The following UGT2B17 variants were observed in gnomAD, a reference collection of about 807,000 sequenced individuals.
UGT2B17 encodes the protein UDP-glucuronosyltransferase 2B17.
UGT2B17 carries 21 observed loss-of-function variants against 48.2 expected under a neutral mutation model. The observed-to-expected ratio is 0.44, with a 90% confidence interval of 0.31 to 0.63. UGT2B17 has a LOEUF of 0.63. Ranked by LOEUF, UGT2B17 falls within the 20% of genes least tolerant of loss-of-function variation. The pLI, the probability that UGT2B17 is intolerant of heterozygous loss-of-function variation, is 0.08. For missense variants in UGT2B17, 402 were observed against 696.1 expected (o/e 0.58, Z 4.75); for synonymous variants, 146 against 238.4 (o/e 0.61, Z 3.57).
rs1378714609 is a variant in UGT2B17, at chr4:68,564,551, A to G, written c.873+1021T>C. ...CGATCCGCCTGCCTCGGCCTCCCAA[A>G]GTGCTGGGATTACAGGTGTAAGCCA... On this transcript the variant is annotated intron_variant, in intron 3 of 6. Coordinates refer to ENST00000317746, the MANE Select transcript of UGT2B17 (RefSeq NM_001077.4). 4.0e-5 allele frequency among the ~76,000 whole-genome samples: 5 copies of G among 123,864 alleles called. 1 individual carries two copies. The highest frequency in any genetic ancestry group is 8.3e-5 in the African/African-American group (3 of 36,182). The allele number at this position is 123,864 out of a possible 152,430, so 81.3% of individuals were successfully genotyped here. A position where few individuals can be genotyped will look rare whatever the true frequency, so the allele number is the denominator to read the frequency against.
intron 6 of UGT2B17, among the ~76,000 whole-genome samples, chr4:68,545,416 T>C (rs1463811011): frequency 8.0e-6 from 1 of 124,278 alleles, no homozygotes; most frequent in African/African-American, 2.8e-5. Flanking sequence ...CTGGGACGCA[T>C]TCAAAGCAGT....
At chr4:68,539,801 T>G (rs1417061252) in intron 6 of UGT2B17, among the ~76,000 whole-genome samples, 2 of 114,990 alleles carry the variant, frequency 1.7e-5, no homozygotes, top group Non-Finnish European at 3.6e-5. Flanking sequence ...TTTTTTTTTT[T>G]TGAGACAGAG....
In UGT2B17 at chr4:68,562,491, G is replaced by A. The variant is rs1203805142; in HGVS notation, c.874-1823C>T. ...AGGCATCCAGGAACTCAGTGTAATT[G>A]CAGTTGCCTGTAGCCACATTTAATG... On this transcript the variant is annotated intron_variant, in intron 3 of 6. Transcript: ENST00000317746. 2.4e-5 allele frequency among the ~76,000 whole-genome samples: 3 copies of A among 125,802 alleles called. 1 individual carries two copies. The Admixed American group carries it at 2.5e-4, about 10-fold the overall frequency. The allele number at this position is 125,802 out of a possible 152,430, so 82.5% of individuals were successfully genotyped here. A position where few individuals can be genotyped will look rare whatever the true frequency, so the allele number is the denominator to read the frequency against.
intron 6 of UGT2B17, among the ~76,000 whole-genome samples, chr4:68,543,654 G>C (rs28853931): frequency 0.48 from 59,175 of 122,316 alleles, 22,999 homozygotes; most frequent in Middle Eastern, 0.75. Flanking sequence ...GAGGAAGTTC[G>C]AACCGAAGGC....
chr4:68,538,871 G>C lies in UGT2B17; in HGVS notation c.1314-967C>G, dbSNP rs573023083. On this transcript the variant is annotated intron_variant, in intron 6 of 6. Transcript: ENST00000317746. ...CCTGAAGGTGTTCTCACCTTAGCCC[G>C]TTTACACCTTTTGTTCCCCGTGTCT... Among the ~76,000 whole-genome samples the C allele has an allele frequency of 5.6e-5, 7 of 125,208 alleles. 2 individuals carry two copies. The highest frequency in any genetic ancestry group is 8.2e-5 in the Admixed American group (1 of 12,124). The allele number at this position is 125,208 out of a possible 152,430, so 82.1% of individuals were successfully genotyped here. A position where few individuals can be genotyped will look rare whatever the true frequency, so the allele number is the denominator to read the frequency against.
At chr4:68,545,205 A>G (rs1487132600) in intron 6 of UGT2B17, among the ~76,000 whole-genome samples, 1 of 126,554 alleles carries the variant, frequency 7.9e-6, no homozygotes, top group Non-Finnish European at 1.7e-5. Context: ...GTAAAAGAAC[A>G]GAAATTATAA....
intron 1 of UGT2B17, among the ~76,000 whole-genome samples, chr4:68,575,093 T>G (rs1731352282): frequency 8.0e-6 from 1 of 124,900 alleles, no homozygotes; most frequent in African/African-American, 2.7e-5. Context: ...AACTTCGCTT[T>G]TGTTGAAAAC....
chr4:68,552,449 TA>T (rs949367272), intron 4 of UGT2B17, among the ~76,000 whole-genome samples: 4 of 126,306 alleles, frequency 3.2e-5, no homozygotes, highest in African/African-American at 8.1e-5. Flanking sequence ...CCATCTTATA[TA>T]AGTTGATTGA....
intron 4 of UGT2B17, among the ~76,000 whole-genome samples, chr4:68,558,447 T>A (rs1229382103): frequency 7.9e-6 from 1 of 126,386 alleles, no homozygotes; most frequent in East Asian, 7.4e-4. Flanking sequence ...CAACTTAAAC[T>A]CCAGAAGAAA....
rs1163569292 is a variant in UGT2B17, at chr4:68,540,673, C to T, written c.1314-2769G>A. ...TTTATTTTAAGTTCCAGGATACATACGCAGAATGTGTGGGTTTGTTACATA... is the reference window on the plus strand; with the variant it reads ...TTTATTTTAAGTTCCAGGATACATATGCAGAATGTGTGGGTTTGTTACATA... On this transcript the variant is annotated intron_variant, in intron 6 of 6. Transcript: ENST00000317746. Among the ~76,000 whole-genome samples the T allele has an allele frequency of 1.7e-4, 21 of 126,020 alleles. 7 individuals are homozygous for T. The highest frequency in any genetic ancestry group is 3.5e-4 in the Non-Finnish European group (21 of 59,476). The allele number at this position is 126,020 out of a possible 152,430, so 82.7% of individuals were successfully genotyped here. A position where few individuals can be genotyped will look rare whatever the true frequency, so the allele number is the denominator to read the frequency against.
chr4:68,551,160 G>GA (rs1309651274), intron 5 of UGT2B17, among the ~76,000 whole-genome samples: 2 of 123,940 alleles, frequency 1.6e-5, no homozygotes, highest in Non-Finnish European at 3.4e-5. Context: ...TGAACAAAAT[G>GA]AAAAAACATA....
chr4:68,566,317 T>C (rs964616409), intron 2 of UGT2B17, among the ~76,000 whole-genome samples: 1 of 122,910 alleles, frequency 8.1e-6, no homozygotes, highest in Non-Finnish European at 1.7e-5. Flanking sequence ...ACATCTTTAA[T>C]GTAACATCAG....
chr4:68,560,033 C>A (rs906795098), intron 4 of UGT2B17, among the ~76,000 whole-genome samples: 1 of 132,528 alleles, frequency 7.5e-6, no homozygotes, highest in African/African-American at 2.6e-5. Flanking sequence ...GCTAAATAGA[C>A]CTATTCCAAT....
chr4:68,555,606 T>A (rs1730986602), intron 4 of UGT2B17, among the ~76,000 whole-genome samples: 1 of 126,312 alleles, frequency 7.9e-6, no homozygotes, highest in African/African-American at 2.7e-5. Flanking sequence ...TAACTTTAAA[T>A]GATGACTACC....
At chr4:68,574,380 C>T (rs1323555481) in intron 1 of UGT2B17, among the ~76,000 whole-genome samples, 1 of 126,056 alleles carries the variant, frequency 7.9e-6, no homozygotes, top group Non-Finnish European at 1.7e-5. Flanking sequence ...ACATATTTAT[C>T]CAATTTTTCA....
chr4:68,537,734 A>G lies in UGT2B17; in HGVS notation c.1484T>C (p.Ile495Thr). ...TGCCACGCAGGCCAGCAGGAATGCT[A>G]TCACATCCAAAGAGTGGTACTGGAT... ...TWIQYHSLDV[I>T]AFLLACVATM... The change falls in exon 7 of 7, where the codon ATA (isoleucine) becomes ACA (threonine). Residue 495 changes from isoleucine to threonine, a missense_variant. Physicochemically the swap from Ile to Thr is moderately conservative, Grantham distance 89 (BLOSUM62 -1). Transcript: ENST00000317746. 4 of 1,379,572 alleles carry G rather than the reference A, an allele frequency of 2.9e-6. 1 individual carries two copies. The highest frequency in any genetic ancestry group is 2.8e-6 in the Non-Finnish European group (3 of 1,054,998). The allele number at this position is 1,379,572 out of a possible 1,614,324, so 85.5% of individuals were successfully genotyped here.
chr4:68,565,831 AT>A, intron 2 of UGT2B17, 111 bp from the exon 3 acceptor site: 2 of 902,272 alleles, frequency 2.2e-6, no homozygotes, highest in Non-Finnish European at 2.8e-6. Context: ...ATACCTAAAA[AT>A]ATATAAAATG....
At chr4:68,547,539 C>A (rs1730838436) in intron 6 of UGT2B17, among the ~76,000 whole-genome samples, 1 of 124,228 alleles carries the variant, frequency 8.0e-6, no homozygotes. Context: ...ACTAAAACAC[C>A]AAAAGCAATG....
At position 68,565,670 on chromosome 4, in the gene UGT2B17, T is replaced by C. The variant is rs766493964; in HGVS notation, c.775A>G (p.Ile259Val). ...AATTCAAAATCCCAATAGGTTCGAATGAGCCACATTTCAGCTTTCCCCATT... is the reference window on the plus strand; with the variant it reads ...AATTCAAAATCCCAATAGGTTCGAACGAGCCACATTTCAGCTTTCCCCATT... ...ETMGKAEMWL[I>V]RTYWDFEFPR... The change falls in exon 3 of 7, where the codon ATT becomes GTT. Residue 259 changes from isoleucine to valine, a missense_variant. Physicochemically the swap from Ile to Val is conservative, Grantham distance 29 (BLOSUM62 3). Coordinates refer to ENST00000317746, the MANE Select transcript of UGT2B17 (RefSeq NM_001077.4). 7.3e-7 allele frequency: 1 copy of C among 1,367,396 alleles called. No homozygotes were observed. The highest frequency in any genetic ancestry group is 2.0e-5 in the Admixed American group (1 of 48,926). 84.7% of individuals were successfully genotyped at this position (1,367,396 alleles called of 1,614,324 possible).
Sources: gnomAD v4.1 joint callset for allele counts (sites outside exome capture counted in the v4.1 genomes callset) on GRCh38, gnomAD v4.1.1 for gene constraint, MANE v1.5 for transcripts, NCBI Gene and HGNC (gene_info 2026-07-23, HGNC 2026-07-21) for gene names.